CPVL: variants seen among roughly 807,000 people sequenced by gnomAD.
The protein encoded by CPVL is carboxypeptidase vitellogenic like.
In CPVL, 51 loss-of-function variants were observed where a neutral mutation model predicts 63.7. The observed-to-expected ratio is 0.80, with a 90% CI of 0.64 to 1.01. The LOEUF (loss-of-function observed/expected upper bound fraction) is 1.01. CPVL is among the 50% of genes least tolerant of loss of function. The pLI, the probability that CPVL is intolerant of heterozygous loss-of-function variation, is 0.00. For missense variants in CPVL, 530 were observed against 573.1 expected (o/e 0.92, Z 0.77); for synonymous variants, 195 against 206.0 (o/e 0.95, Z 0.46).
At chr7:29,031,876 A>G (rs1319904003) in intron 11 of CPVL, among the ~76,000 whole-genome samples, 1 of 152,196 alleles carries the variant, frequency 6.6e-6, no homozygotes, top group Non-Finnish European at 1.5e-5. Flanking sequence ...AAAGTCAAGT[A>G]TAATGTATAT....
chr7:29,165,677 T>C (rs1401065869), intron 5 of CPVL, among the ~76,000 whole-genome samples: 1 of 152,240 alleles, frequency 6.6e-6, no homozygotes, highest in Non-Finnish European at 1.5e-5. Flanking sequence ...AGGTGTTAAC[T>C]GTAGGCTTTT....
chr7:29,099,224 A>G (rs1300192898), intron 3 of CPVL, among the ~76,000 whole-genome samples: 1 of 151,134 alleles, frequency 6.6e-6, no homozygotes, highest in Non-Finnish European at 1.5e-5. Flanking sequence ...TATAATAGAT[A>G]ATCACGAGGA....
intron 3 of CPVL, among the ~76,000 whole-genome samples, chr7:29,104,099 T>C (rs1787481620): frequency 6.6e-6 from 1 of 152,136 alleles, no homozygotes; most frequent in Non-Finnish European, 1.5e-5. Flanking sequence ...ATTTTAATTC[T>C]ACACACACAC....
intron 3 of CPVL, among the ~76,000 whole-genome samples, chr7:29,110,083 T>C (rs1044350278): frequency 2.6e-5 from 4 of 152,228 alleles, no homozygotes; most frequent in Non-Finnish European, 5.9e-5. Context: ...CTCTCACCCT[T>C]AGTTCCTGTT....
chr7:29,080,066 G>A (rs537304511), intron 7 of CPVL, among the ~76,000 whole-genome samples: 1 of 152,238 alleles, frequency 6.6e-6, no homozygotes, highest in South Asian at 2.1e-4. Flanking sequence ...GGAGGCCAAA[G>A]GAGAGTCCCC....
Position 29,131,194 on chromosome 7 carries a change from A to T in CPVL, c.-10-10123T>A, listed in dbSNP as rs934896979. Among the ~76,000 whole-genome samples, 70 of 147,788 alleles carry T rather than the reference A, an allele frequency of 4.7e-4. 1 individual carries two copies. The highest frequency in any genetic ancestry group is 8.9e-4 in the Non-Finnish European group (59 of 66,544). On this transcript the variant is annotated intron_variant, in intron 1 of 12. Coordinates refer to ENST00000265394, the MANE Select transcript of CPVL (RefSeq NM_031311.5). ...TCAAAAAATAAAAATAAACAAAAATAAAAAAAAAAAGAATTGCCTCCTTTC... is the reference window on the plus strand; with the variant it reads ...TCAAAAAATAAAAATAAACAAAAATTAAAAAAAAAAGAATTGCCTCCTTTC...
chr7:29,064,293 T>A, intron 10 of CPVL, 59 bp from the exon 11 acceptor site: 1 of 1,092,952 alleles, frequency 9.1e-7, no homozygotes, highest in East Asian at 2.4e-5. Flanking sequence ...GAACAGTATG[T>A]TGGGAAAAGC....
At chr7:29,079,230 T>G (rs1357636543) in intron 7 of CPVL, among the ~76,000 whole-genome samples, 1 of 152,170 alleles carries the variant, frequency 6.6e-6, no homozygotes, top group Non-Finnish European at 1.5e-5. Flanking sequence ...GATGTTTGAC[T>G]CCCCTTCAGA....
intron 9 of CPVL, among the ~76,000 whole-genome samples, chr7:29,069,727 T>C (rs1421418722): frequency 6.6e-6 from 1 of 151,722 alleles, no homozygotes; most frequent in African/African-American, 2.4e-5. Context: ...CGGCAATTCA[T>C]TGCTATCCCC....
chr7:29,066,124 A>G lies in CPVL; in HGVS notation c.865-3T>C. 1 of 1,440,776 alleles carries G rather than the reference A, an allele frequency of 6.9e-7. No individual in the cohort carries two copies. Among genetic ancestry groups the G allele is most frequent in the Non-Finnish European group, 9.7e-7 (1 of 1,031,556 alleles). The allele number at this position is 1,440,776 out of a possible 1,614,324, so 89.2% of individuals were successfully genotyped here. A position where few individuals can be genotyped will look rare whatever the true frequency, so the allele number is the denominator to read the frequency against. On this transcript the variant is annotated splice_region_variant and splice_polypyrimidine_tract_variant and intron_variant, in intron 9 of 12. Coordinates refer to ENST00000265394, the MANE Select transcript of CPVL (RefSeq NM_031311.5). ...CCATCTAGTAGTTTATCCAGTATCT[A>G]GGTTGGGAGAGAGGGAGAAAGAAAG...
chr7:29,190,174 C>T (rs1282775036), intron 1 of CPVL, among the ~76,000 whole-genome samples: 2 of 152,228 alleles, frequency 1.3e-5, no homozygotes, highest in African/African-American at 4.8e-5. Flanking sequence ...AAGGCTTAAA[C>T]TACAGAGCGA....
intron 12 of CPVL, among the ~76,000 whole-genome samples, chr7:29,019,931 T>G (rs1438806026): frequency 6.6e-6 from 1 of 152,232 alleles, no homozygotes; most frequent in Non-Finnish European, 1.5e-5. Flanking sequence ...TATGTGGGCC[T>G]TGCTTCTTTT....
chr7:29,022,194 A>T (rs1268767543), intron 12 of CPVL, among the ~76,000 whole-genome samples: 1 of 152,070 alleles, frequency 6.6e-6, no homozygotes, highest in Non-Finnish European at 1.5e-5. Context: ...GGACAGGCCC[A>T]TCTAGCCTGC....
At chr7:29,068,620 G>A (rs1335196330) in intron 9 of CPVL, among the ~76,000 whole-genome samples, 7 of 152,070 alleles carry the variant, frequency 4.6e-5, no homozygotes, top group South Asian at 4.2e-4. Flanking sequence ...ACACAATGGA[G>A]GCATCTGCCT....
At chr7:29,015,684 C>T (rs1199964787) in intron 12 of CPVL, among the ~76,000 whole-genome samples, 2 of 152,162 alleles carry the variant, frequency 1.3e-5, no homozygotes, top group African/African-American at 2.4e-5. Flanking sequence ...TATAGCAGTA[C>T]AAGAACAGAC....
intron 3 of CPVL, among the ~76,000 whole-genome samples, chr7:29,112,239 T>C (rs117226043): frequency 2.0e-5 from 3 of 152,066 alleles, no homozygotes; most frequent in African/African-American, 7.2e-5. Context: ...GGGTACTGAG[T>C]GCATGAAGGA....
chr7:29,142,324 T>C (rs1195031779), intron 1 of CPVL, among the ~76,000 whole-genome samples: 1 of 152,184 alleles, frequency 6.6e-6, no homozygotes, highest in Non-Finnish European at 1.5e-5. Context: ...TTTCCGTACA[T>C]TCCCATTCAA....
At chr7:29,053,084 T>C (rs1234226651) in intron 11 of CPVL, among the ~76,000 whole-genome samples, 1 of 152,154 alleles carries the variant, frequency 6.6e-6, no homozygotes, top group East Asian at 1.9e-4. Context: ...ATTAGGGAAA[T>C]GCCAATCAAA....
intron 5 of CPVL, among the ~76,000 whole-genome samples, chr7:29,181,085 G>A (rs911637039): frequency 6.6e-6 from 1 of 152,126 alleles, no homozygotes; most frequent in Admixed American, 6.6e-5. Flanking sequence ...TACAGCAATG[G>A]GAGGCCATTT....
Sources: gnomAD v4.1 joint callset for allele counts (sites outside exome capture counted in the v4.1 genomes callset) on GRCh38, gnomAD v4.1.1 for gene constraint, MANE v1.5 for transcripts, NCBI Gene and HGNC (gene_info 2026-07-23, HGNC 2026-07-21) for gene names.